Variants in MACROD2 observed in about 807,000 individuals in gnomAD.
The protein encoded by MACROD2 is mono-ADP ribosylhydrolase 2, also known as ADP-ribose glycohydrolase MACROD2.
Under a neutral mutation model 70.4 loss-of-function variants are expected in MACROD2, and 36 were observed. That is an observed-to-expected ratio of 0.51 (90% CI 0.39 to 0.68). The LOEUF is 0.68. Ranked by LOEUF, MACROD2 falls within the 30% of genes least tolerant of loss-of-function variation. MACROD2 has a pLI of 0.00. For missense variants in MACROD2, 496 were observed against 538.4 expected, an observed-to-expected ratio of 0.92 and a Z score of 0.78; for synonymous variants, 172 against 178.8, an observed-to-expected ratio of 0.96 and a Z score of 0.30.
chr20:15,322,602 C>T lies in MACROD2; in HGVS notation c.540+92541C>T, dbSNP rs1189231520. ...AACTATTTAGCCTGAGGTAATTATT[C>T]ACTTATGGAAAGGAGTGAGTATTTT... On this transcript the variant is annotated intron_variant, in intron 6 of 17. Coordinates refer to ENST00000684519, the MANE Select transcript of MACROD2 (RefSeq NM_001351661.2). Among the ~76,000 whole-genome samples the T allele has an allele frequency of 4.2e-5, 6 of 144,126 alleles. 2 individuals are homozygous for T. The highest frequency in any genetic ancestry group is 1.5e-4 in the African/African-American group (6 of 40,320). The allele number at this position is 144,126 out of a possible 152,430, so 94.6% of individuals were successfully genotyped here.
intron 8 of MACROD2, among the ~76,000 whole-genome samples, chr20:15,550,897 A>ACAGC (rs1423088640): frequency 6.6e-6 from 1 of 152,220 alleles, no homozygotes; most frequent in East Asian, 1.9e-4. Flanking sequence ...TCTTGATGTG[A>ACAGC]CAGCCAGGGC....
chr20:14,112,417 A>G (rs1309639180), intron 3 of MACROD2, among the ~76,000 whole-genome samples: 2 of 152,016 alleles, frequency 1.3e-5, no homozygotes, highest in Non-Finnish European at 2.9e-5. Flanking sequence ...TGGATACCCC[A>G]TTTTCCATGA....
At chr20:15,079,564 A>G (rs1417810083) in intron 5 of MACROD2, among the ~76,000 whole-genome samples, 1 of 152,072 alleles carries the variant, frequency 6.6e-6, no homozygotes, top group African/African-American at 2.4e-5. Context: ...TGAGCCTACT[A>G]TATTCCACCA....
chr20:15,645,177 T>C (rs970313093), intron 8 of MACROD2, among the ~76,000 whole-genome samples: 4 of 152,160 alleles, frequency 2.6e-5, no homozygotes, highest in Non-Finnish European at 5.9e-5. Flanking sequence ...GAACCACAGA[T>C]CAGTTGCTGC....
chr20:15,021,020 A>ACC (rs1481715011), intron 5 of MACROD2, among the ~76,000 whole-genome samples: 1 of 147,272 alleles, frequency 6.8e-6, no homozygotes, highest in African/African-American at 2.5e-5. Flanking sequence ...GTGTATATGT[A>ACC]TACACATGTG....
At chr20:14,373,441 G>C (rs993920370) in intron 3 of MACROD2, among the ~76,000 whole-genome samples, 1 of 151,736 alleles carries the variant, frequency 6.6e-6, no homozygotes, top group African/African-American at 2.4e-5. Context: ...TTTTTTTAAC[G>C]TGTGTTTTAA....
chr20:14,340,821 A>G (rs1245117398), intron 3 of MACROD2, among the ~76,000 whole-genome samples: 1 of 152,196 alleles, frequency 6.6e-6, no homozygotes, highest in Non-Finnish European at 1.5e-5. Context: ...CTCTAGGACT[A>G]TCTAAACTTG....
At chr20:15,835,652 T>C (rs2064106372) in intron 8 of MACROD2, among the ~76,000 whole-genome samples, 1 of 152,148 alleles carries the variant, frequency 6.6e-6, no homozygotes. Context: ...AATTATAATA[T>C]TATATCTACA....
intron 8 of MACROD2, among the ~76,000 whole-genome samples, chr20:15,530,728 A>T (rs1568871421): frequency 6.6e-6 from 1 of 151,816 alleles, no homozygotes; most frequent in African/African-American, 2.4e-5. Flanking sequence ...AAAAAAAAAA[A>T]AAAAAAAGAT....
intron 4 of MACROD2, among the ~76,000 whole-genome samples, chr20:14,671,161 A>G (rs1472283435): frequency 2.0e-5 from 3 of 152,182 alleles, no homozygotes; most frequent in Non-Finnish European, 2.9e-5. Flanking sequence ...GTAGGCAACC[A>G]CCAATCTATG....
chr20:14,519,291 T>C (rs1029814324), intron 4 of MACROD2, among the ~76,000 whole-genome samples: 5 of 152,244 alleles, frequency 3.3e-5, no homozygotes, highest in South Asian at 2.1e-4. Context: ...TTCTGCTGCT[T>C]AGTGATCTGT....
chr20:15,208,106 G>A (rs2076727801), intron 5 of MACROD2, among the ~76,000 whole-genome samples: 1 of 151,686 alleles, frequency 6.6e-6, no homozygotes, highest in Non-Finnish European at 1.5e-5. Flanking sequence ...CGTTTGTTTA[G>A]CCTATTTTCT....
intron 5 of MACROD2, among the ~76,000 whole-genome samples, chr20:15,124,785 G>A (rs899507297): frequency 6.6e-6 from 1 of 151,122 alleles, no homozygotes; most frequent in Non-Finnish European, 1.5e-5. Context: ...TACCTCCCTG[G>A]CTTTCTTTGT....
At chr20:14,173,193 GC>G (rs2081237528) in intron 3 of MACROD2, among the ~76,000 whole-genome samples, 1 of 152,108 alleles carries the variant, frequency 6.6e-6, no homozygotes, top group South Asian at 2.1e-4. Flanking sequence ...CTCTAGCAAG[GC>G]CAGGGAAATT....
At chr20:15,327,481 A>G (rs185710170) in intron 6 of MACROD2, among the ~76,000 whole-genome samples, 62 of 152,302 alleles carry the variant, frequency 4.1e-4, no homozygotes, top group African/African-American at 1.4e-3. Flanking sequence ...TCATGGCAGA[A>G]GGGGAAGCAA....
At chr20:14,149,022 T>A (rs1227849263) in intron 3 of MACROD2, among the ~76,000 whole-genome samples, 2 of 152,090 alleles carry the variant, frequency 1.3e-5, no homozygotes, top group African/African-American at 4.8e-5. Context: ...CCTCTCTCTG[T>A]ACCTAGCTCC....
intron 5 of MACROD2, among the ~76,000 whole-genome samples, chr20:15,039,075 T>G (rs2075335544): frequency 6.6e-6 from 1 of 151,962 alleles, no homozygotes; most frequent in Non-Finnish European, 1.5e-5. Flanking sequence ...CATAACAAAT[T>G]TATTTAATAA....
Position 14,263,427 on chromosome 20 carries a change from A to G in MACROD2, c.271+177699A>G, listed in dbSNP as rs201022954. ...TGTCTGTTACCCTTTGAAGGAAACA[A>G]GCTCTGGTAGAGATACCATCAGAGG... is the stretch of plus-strand genomic sequence containing the variant. On this transcript the variant is annotated intron_variant, in intron 3 of 17. Coordinates refer to ENST00000684519, the MANE Select transcript of MACROD2 (RefSeq NM_001351661.2). Among the ~76,000 whole-genome samples the G allele has an allele frequency of 2.6e-5, 4 of 152,154 alleles. No individual in the cohort carries two copies. In the East Asian group the frequency reaches 7.7e-4, roughly 29 times the overall value.
intron 15 of MACROD2, among the ~76,000 whole-genome samples, chr20:16,009,547 AG>A (rs2066833754): frequency 6.6e-6 from 1 of 152,180 alleles, no homozygotes; most frequent in Admixed American, 6.5e-5. Flanking sequence ...ACCTGAGGTC[AG>A]GAGTTCGAGA....
Sources: allele counts gnomAD v4.1 joint callset (sites outside exome capture counted in the v4.1 genomes callset), GRCh38; gene constraint gnomAD v4.1.1; transcripts MANE v1.5; gene names NCBI Gene and HGNC (gene_info 2026-07-23, HGNC 2026-07-21).